Variants in MAST4 observed in about 807,000 individuals in gnomAD.
MAST4 encodes the protein microtubule-associated serine/threonine-protein kinase 4.
MAST4 carries 89 observed loss-of-function variants against 162.7 expected under a neutral mutation model. The ratio of observed to expected loss-of-function variants is 0.55; its 90% CI spans 0.46 to 0.65. The LOEUF is 0.65. Ranked by LOEUF, MAST4 falls within the 30% of genes least tolerant of loss-of-function variation. The probability of loss-of-function intolerance (pLI) is 0.00; values close to 1 mark genes in which losing one functional copy is unlikely to be tolerated. For missense variants in MAST4, 3,153 were observed against 3,374.0 expected (o/e 0.93, Z 1.62); for synonymous variants, 1,479 against 1,361.1 (o/e 1.09, Z -1.91).
intron 4 of MAST4, among the ~76,000 whole-genome samples, chr5:66,905,014 G>A (rs929972438): frequency 6.6e-6 from 1 of 151,990 alleles, no homozygotes; most frequent in African/African-American, 2.4e-5. Flanking sequence ...GCTTTTAAAG[G>A]AATATCCAAG....
chr5:66,998,665 C>G (rs932957466), intron 4 of MAST4, among the ~76,000 whole-genome samples: 2 of 152,174 alleles, frequency 1.3e-5, no homozygotes, highest in Admixed American at 1.3e-4. Flanking sequence ...CCCCTGCCCA[C>G]CCCTTCACCC....
chr5:66,863,527 C>T (rs1168613905), intron 3 of MAST4, among the ~76,000 whole-genome samples: 1 of 152,072 alleles, frequency 6.6e-6, no homozygotes, highest in Non-Finnish European at 1.5e-5. Context: ...TCTCTCTCCT[C>T]CCACCCCTAC....
chr5:66,873,929 C>A (rs1364156315), intron 3 of MAST4, among the ~76,000 whole-genome samples: 2 of 152,072 alleles, frequency 1.3e-5, no homozygotes, highest in African/African-American at 4.8e-5. Flanking sequence ...TACTTTAAAG[C>A]TATAGGGAAA....
intron 12 of MAST4, among the ~76,000 whole-genome samples, chr5:67,115,243 A>C (rs1003083829): frequency 3.9e-5 from 6 of 152,144 alleles, no homozygotes; most frequent in African/African-American, 1.4e-4. Flanking sequence ...TATACTCCCC[A>C]AAAAGACTCA....
chr5:66,664,677 G>A (rs1191920738), intron 1 of MAST4, among the ~76,000 whole-genome samples: 2 of 150,462 alleles, frequency 1.3e-5, no homozygotes, highest in Non-Finnish European at 3.0e-5. Flanking sequence ...AGAAGAACAA[G>A]GAGAGGATAA....
At chr5:67,076,459 C>G (rs1359141144) in intron 5 of MAST4, among the ~76,000 whole-genome samples, 1 of 152,158 alleles carries the variant, frequency 6.6e-6, no homozygotes, top group Admixed American at 6.5e-5. Flanking sequence ...CAGCTGTTAC[C>G]CAATAACAAA....
chr5:66,967,557 C>T (rs758189440), intron 4 of MAST4, among the ~76,000 whole-genome samples: 5 of 151,902 alleles, frequency 3.3e-5, no homozygotes, highest in Non-Finnish European at 7.4e-5. Context: ...TGGGCTGCCT[C>T]ATCAGACCAT....
At chr5:67,026,830 T>G (rs1266577310) in intron 4 of MAST4, among the ~76,000 whole-genome samples, 1 of 152,150 alleles carries the variant, frequency 6.6e-6, no homozygotes, top group Non-Finnish European at 1.5e-5. Flanking sequence ...GACACAGATG[T>G]GGAGGGCAAA....
At chr5:66,876,878 A>T (rs933456654) in intron 3 of MAST4, among the ~76,000 whole-genome samples, 1 of 152,222 alleles carries the variant, frequency 6.6e-6, no homozygotes, top group Non-Finnish European at 1.5e-5. Context: ...CAACAGCCCG[A>T]AGGAACACAC....
At chr5:66,830,281 T>G (rs2149755333) in intron 3 of MAST4, among the ~76,000 whole-genome samples, 1 of 152,330 alleles carries the variant, frequency 6.6e-6, no homozygotes, top group South Asian at 2.1e-4. Flanking sequence ...GTTTTTGTTA[T>G]TTCTGTAATA....
intron 1 of MAST4, among the ~76,000 whole-genome samples, chr5:66,741,672 C>T (rs577052969): frequency 1.3e-5 from 2 of 152,168 alleles, no homozygotes; most frequent in African/African-American, 4.8e-5. Context: ...CAACAGTGGA[C>T]TCTAAAGGTG....
intron 3 of MAST4, among the ~76,000 whole-genome samples, chr5:66,884,426 T>C (rs1035874271): frequency 3.9e-5 from 6 of 152,230 alleles, no homozygotes; most frequent in African/African-American, 1.4e-4. Context: ...AAATGGACTC[T>C]GTAGCTCTAT....
At chr5:66,864,597 A>G (rs980525708) in intron 3 of MAST4, among the ~76,000 whole-genome samples, 7 of 152,194 alleles carry the variant, frequency 4.6e-5, no homozygotes, top group African/African-American at 1.7e-4. Context: ...ATATGAGGCT[A>G]TTGCTGAAGT....
At chr5:66,919,089 C>T (rs1169033119) in intron 4 of MAST4, among the ~76,000 whole-genome samples, 9 of 117,744 alleles carry the variant, frequency 7.6e-5, no homozygotes, top group African/African-American at 2.0e-4. Context: ...GGTGACAGAG[C>T]GAGACTCTCA....
intron 4 of MAST4, among the ~76,000 whole-genome samples, chr5:66,980,876 G>C (rs1424268016): frequency 6.6e-6 from 1 of 152,192 alleles, no homozygotes; most frequent in Non-Finnish European, 1.5e-5. Flanking sequence ...CAAGAAGAGA[G>C]CCTTCTGCTT....
intron 26 of MAST4, among the ~76,000 whole-genome samples, chr5:67,159,659 C>T (rs912024187): frequency 1.3e-5 from 2 of 152,138 alleles, no homozygotes; most frequent in African/African-American, 2.4e-5. Flanking sequence ...GTAATTGATG[C>T]CAGGGACTAC....
intron 7 of MAST4, among the ~76,000 whole-genome samples, chr5:67,097,018 C>T (rs1022081998): frequency 7.9e-5 from 12 of 152,102 alleles, no homozygotes; most frequent in East Asian, 1.9e-4. Flanking sequence ...ATATTTTAGA[C>T]GTGTCTTTTA....
chr5:66,959,121 C>G (rs188161884), intron 4 of MAST4: 1 of 697,198 alleles, frequency 1.4e-6, no homozygotes, highest in Non-Finnish European at 2.7e-6. Flanking sequence ...TGCAGCCTCC[C>G]CCTCCCCCTC....
chr5:66,819,055 G>A (rs1248797723), intron 3 of MAST4, among the ~76,000 whole-genome samples: 1 of 152,188 alleles, frequency 6.6e-6, no homozygotes, highest in Non-Finnish European at 1.5e-5. Context: ...ATTGCTTACC[G>A]TGTGATGTGA....
Sources: gnomAD v4.1 joint callset for allele counts (sites outside exome capture counted in the v4.1 genomes callset) on GRCh38, gnomAD v4.1.1 for gene constraint, MANE v1.5 for transcripts, NCBI Gene and HGNC (gene_info 2026-07-23, HGNC 2026-07-21) for gene names.